Variants in METTL8 observed in about 807,000 individuals in gnomAD.
METTL8 encodes tRNA N(3)-cytidine methyltransferase METTL8, mitochondrial.
A neutral mutation model predicts 48.7 loss-of-function variants in METTL8; 32 were observed. That is an observed-to-expected ratio of 0.66 (90% CI 0.50 to 0.88). The LOEUF is 0.88. Ranked by LOEUF, METTL8 falls within the 40% of genes least tolerant of loss-of-function variation. The probability of loss-of-function intolerance (pLI) is 0.00; values close to 1 mark genes in which losing one functional copy is unlikely to be tolerated. For missense variants in METTL8, 464 were observed against 474.4 expected, an observed-to-expected ratio of 0.98 and a Z score of 0.20; for synonymous variants, 136 against 157.1, an observed-to-expected ratio of 0.87 and a Z score of 1.01.
intron 1 of METTL8, among the ~76,000 whole-genome samples, chr2:171,395,034 A>G (rs952695772): frequency 6.6e-6 from 1 of 152,212 alleles, no homozygotes; most frequent in Non-Finnish European, 1.5e-5. Flanking sequence ...TCATGGTTCA[A>G]TTTTGTGGGA....
chr2:171,397,364 A>AAC (rs1402266880), intron 1 of METTL8, among the ~76,000 whole-genome samples: 1 of 146,292 alleles, frequency 6.8e-6, no homozygotes, highest in Non-Finnish European at 1.5e-5. Flanking sequence ...AAAAAAAAAA[A>AAC]AAAAAAAAAA....
chr2:171,410,322 G>A (rs1362983919), intron 1 of METTL8, among the ~76,000 whole-genome samples: 2 of 152,306 alleles, frequency 1.3e-5, no homozygotes, highest in East Asian at 3.9e-4. Flanking sequence ...AATGGTCTTA[G>A]AAAACTGGCA....
chr2:171,336,660 A>G, intron 5 of METTL8, among the ~76,000 whole-genome samples: 1 of 152,002 alleles, frequency 6.6e-6, no homozygotes, highest in Non-Finnish European at 1.5e-5. Context: ...ACCTCCAAAC[A>G]ATTTTAAGCC....
At position 171,323,924 on chromosome 2, in the gene METTL8, G is replaced by T. The variant is rs1479193231; in HGVS notation, c.*248C>A. 2.9e-6 allele frequency: 1 copy of T among 349,244 alleles called. No homozygotes were observed. The highest frequency in any genetic ancestry group is 4.4e-5 in the East Asian group (1 of 22,626). 21.6% of individuals were successfully genotyped at this position (349,244 alleles called of 1,614,324 possible). A position where few individuals can be genotyped will look rare whatever the true frequency, so the allele number is the denominator to read the frequency against. On this transcript the variant is annotated 3_prime_UTR_variant, in exon 10 of 10. Coordinates refer to ENST00000375258, the MANE Select transcript of METTL8 (RefSeq NM_001321154.2). ...AATGCTTATAAAAATCAAGGAACAA[G>T]CAAAATGGTTAGATGTAATAAATTC...
chr2:171,341,272 G>A (rs1389680967), intron 3 of METTL8, among the ~76,000 whole-genome samples: 1 of 149,502 alleles, frequency 6.7e-6, no homozygotes, highest in East Asian at 2.0e-4. Context: ...AGGTTGCAGT[G>A]AGCCGAGATC....
At chr2:171,402,526 T>C (rs1214833473) in intron 1 of METTL8, among the ~76,000 whole-genome samples, 3 of 152,072 alleles carry the variant, frequency 2.0e-5, no homozygotes, top group Admixed American at 2.0e-4. Flanking sequence ...AGAATGCGAG[T>C]CATTTGTATG....
intron 2 of METTL8, among the ~76,000 whole-genome samples, chr2:171,379,473 A>G (rs1432119756): frequency 2.0e-5 from 3 of 152,138 alleles, no homozygotes; most frequent in Non-Finnish European, 4.4e-5. Flanking sequence ...TGAATCCAGG[A>G]GCTGGTTTTT....
chr2:171,375,219 A>G (rs1686832782), intron 2 of METTL8: 2 of 1,331,788 alleles, frequency 1.5e-6, no homozygotes, highest in African/African-American at 2.9e-5. Context: ...TGCAGCGAAT[A>G]GGATGCACGT....
intron 2 of METTL8, among the ~76,000 whole-genome samples, chr2:171,386,873 G>C (rs1688105586): frequency 6.6e-6 from 1 of 152,072 alleles, no homozygotes; most frequent in South Asian, 2.1e-4. Flanking sequence ...CAGGTGGCTG[G>C]ACATGGCGAG....
chr2:171,336,316 C>T (rs368550924), intron 5 of METTL8, among the ~76,000 whole-genome samples: 10 of 147,548 alleles, frequency 6.8e-5, no homozygotes, highest in East Asian at 4.0e-4. Context: ...AGGCTGGTCT[C>T]GAACTCCTGA....
At chr2:171,423,465 G>A (rs1041937997) in intron 1 of METTL8, among the ~76,000 whole-genome samples, 1 of 152,086 alleles carries the variant, frequency 6.6e-6, no homozygotes, top group African/African-American at 2.4e-5. Context: ...AGGAAGATGT[G>A]GGAAAGTTTG....
At chr2:171,327,610 C>T (rs1048018638) in intron 7 of METTL8, among the ~76,000 whole-genome samples, 1 of 151,942 alleles carries the variant, frequency 6.6e-6, no homozygotes, top group African/African-American at 2.4e-5. Flanking sequence ...CAGATTATGT[C>T]ATGTTATGAA....
chr2:171,329,742 A>G (rs1685327928), intron 7 of METTL8, among the ~76,000 whole-genome samples: 1 of 152,228 alleles, frequency 6.6e-6, no homozygotes, highest in Admixed American at 6.5e-5. Context: ...AGCACATGGT[A>G]ACTCAGTTTC....
At chr2:171,368,179 A>T (rs1195589012) in intron 2 of METTL8, among the ~76,000 whole-genome samples, 1 of 152,250 alleles carries the variant, frequency 6.6e-6, no homozygotes, top group Non-Finnish European at 1.5e-5. Context: ...AATTTTATGA[A>T]ATATTGACCC....
upstream of METTL8, chr2:171,434,569 C>A: frequency 6.6e-7 from 1 of 1,525,898 alleles, no homozygotes; most frequent in Non-Finnish European, 8.8e-7. Flanking sequence ...GGGCCCGGCC[C>A]GCGCCTCCAT....
intron 2 of METTL8, among the ~76,000 whole-genome samples, chr2:171,377,325 A>T (rs1168848785): frequency 1.3e-5 from 2 of 152,184 alleles, no homozygotes; most frequent in East Asian, 3.8e-4. Flanking sequence ...AGCAAAACAA[A>T]ATAAAACAAA....
chr2:171,385,621 G>A (rs1267711779), intron 2 of METTL8, among the ~76,000 whole-genome samples: 1 of 152,232 alleles, frequency 6.6e-6, no homozygotes, highest in Non-Finnish European at 1.5e-5. Context: ...GTTCACCACA[G>A]GTGTCGGGTG....
At position 171,350,742 on chromosome 2, in the gene METTL8, T is replaced by C. The variant is rs918616529; in HGVS notation, c.235+9680A>G. ...TGATGAGCATTTTTTCATATGTCTG[T>C]TGGCTACATAAATGTCTTCTTTTGA... is the stretch of plus-strand genomic sequence containing the variant. On this transcript the variant is annotated intron_variant, in intron 3 of 9. Transcript: ENST00000375258. 4.6e-5 allele frequency among the ~76,000 whole-genome samples: 7 copies of C among 152,386 alleles called. No individual in the cohort carries two copies. In the South Asian group the frequency reaches 1.4e-3, roughly 32 times the overall value.
At chr2:171,382,206 A>T (rs193287721) in intron 2 of METTL8, among the ~76,000 whole-genome samples, 133 of 152,336 alleles carry the variant, frequency 8.7e-4, no homozygotes, top group African/African-American at 3.0e-3. Context: ...ATTACTGGGT[A>T]TATACCCAAA....
Sources: allele counts gnomAD v4.1 joint callset (sites outside exome capture counted in the v4.1 genomes callset), GRCh38; gene constraint gnomAD v4.1.1; transcripts MANE v1.5; gene names NCBI Gene and HGNC (gene_info 2026-07-23, HGNC 2026-07-21).